The following KLHL1 variants were observed in gnomAD, a reference collection of about 807,000 sequenced individuals.
KLHL1 encodes kelch-like protein 1.
In KLHL1, 47 loss-of-function variants were observed where a neutral mutation model predicts 77.7. The ratio of observed to expected loss-of-function variants is 0.60; its 90% CI spans 0.48 to 0.77. KLHL1 has a LOEUF of 0.77. Ranked by LOEUF, KLHL1 falls within the 30% of genes least tolerant of loss-of-function variation. KLHL1 has a pLI of 0.00. For synonymous variants in KLHL1, 360 were observed against 325.2 expected (o/e 1.11, Z -1.15); for missense variants, 925 against 910.8 (o/e 1.02, Z -0.20).
rs151317522 is a variant in KLHL1, at chr13:70,084,301, G to A, written c.497+22902C>T. Among the ~76,000 whole-genome samples the A allele has an allele frequency of 2.8e-3, 420 of 152,066 alleles. 2 individuals carry two copies. The highest frequency in any genetic ancestry group is 4.7e-3 in the Non-Finnish European group (320 of 67,970). ...TACTTTATAACTATACCCAGCATAG[G>A]GGATGTACATGAACAGATCATTAAA... On this transcript the variant is annotated intron_variant, in intron 1 of 10. Transcript: ENST00000377844.
At chr13:69,798,324 T>C (rs1690008314) in intron 6 of KLHL1, among the ~76,000 whole-genome samples, 1 of 152,192 alleles carries the variant, frequency 6.6e-6, no homozygotes, top group South Asian at 2.1e-4. Context: ...AGAACCTAAC[T>C]AGTAATGAAC....
intron 7 of KLHL1, among the ~76,000 whole-genome samples, chr13:69,784,881 C>CTTTTTT (rs1566250066): frequency 1.8e-5 from 2 of 110,886 alleles, no homozygotes; most frequent in Non-Finnish European, 2.0e-5. Flanking sequence ...ACAGAATATA[C>CTTTTTT]ATTTTTTTTT....
At chr13:69,712,621 T>A (rs1336231777) in intron 9 of KLHL1, among the ~76,000 whole-genome samples, 1 of 152,150 alleles carries the variant, frequency 6.6e-6, no homozygotes, top group Non-Finnish European at 1.5e-5. Flanking sequence ...CAAGGTTGTC[T>A]TGGAACTTAG....
In KLHL1 at chr13:69,836,854, CA is replaced by C. The variant is rs56044802; in HGVS notation, c.1414+2121del. Among the ~76,000 whole-genome samples, 742 of 149,908 alleles carry C rather than the reference CA, an allele frequency of 4.9e-3. 7 individuals carry two copies. The highest frequency in any genetic ancestry group is 0.017 in the African/African-American group (693 of 40,914). On this transcript the variant is annotated intron_variant, in intron 6 of 10. Transcript: ENST00000377844. Reference sequence around the variant, plus strand: ...TGACCAAACAATGCTCAAGAAACTGCAAAAAAAATGCAATAATTAGAAGAGA... The same window carrying C: ...TGACCAAACAATGCTCAAGAAACTGCAAAAAAATGCAATAATTAGAAGAGA...
intron 8 of KLHL1, among the ~76,000 whole-genome samples, chr13:69,738,983 T>C (rs941665887): frequency 2.0e-5 from 3 of 151,914 alleles, no homozygotes; most frequent in African/African-American, 7.3e-5. Flanking sequence ...AAGAAAACAA[T>C]GCAAAGGGCA....
chr13:69,983,601 GA>G (rs1884778085), intron 1 of KLHL1, among the ~76,000 whole-genome samples: 6 of 105,196 alleles, frequency 5.7e-5, no homozygotes, highest in African/African-American at 3.3e-4. Context: ...AGAAGAAGAA[GA>G]AGAGAAAAAA....
intron 6 of KLHL1, among the ~76,000 whole-genome samples, chr13:69,828,284 G>T (rs768230021): frequency 2.7e-5 from 4 of 150,308 alleles, no homozygotes; most frequent in Non-Finnish European, 4.4e-5. Flanking sequence ...TGAAAATCCA[G>T]ATCACAAAGG....
At chr13:69,715,785 A>G (rs554836737) in intron 9 of KLHL1, among the ~76,000 whole-genome samples, 1 of 152,260 alleles carries the variant, frequency 6.6e-6, no homozygotes, top group Non-Finnish European at 1.5e-5. Flanking sequence ...GACTCCAGCA[A>G]TAATATATCG....
chr13:69,955,972 TGATA>T (rs1181609653), intron 3 of KLHL1, among the ~76,000 whole-genome samples: 1 of 139,280 alleles, frequency 7.2e-6, no homozygotes, highest in African/African-American at 2.6e-5. Context: ...TTTATATATT[TGATA>T]TATATTTATA....
chr13:70,052,346 AT>A (rs1036208127), intron 1 of KLHL1, among the ~76,000 whole-genome samples: 1 of 151,926 alleles, frequency 6.6e-6, no homozygotes, highest in African/African-American at 2.4e-5. Context: ...AGAAAAAAAA[AT>A]ATTTAAGTTA....
At chr13:70,097,566 T>C (rs1250289406) in intron 1 of KLHL1, among the ~76,000 whole-genome samples, 1 of 152,056 alleles carries the variant, frequency 6.6e-6, no homozygotes, top group Non-Finnish European at 1.5e-5. Context: ...CAGCCTGCAA[T>C]GTAATCTTGG....
intron 4 of KLHL1, among the ~76,000 whole-genome samples, chr13:69,909,313 G>A (rs1034253576): frequency 2.0e-5 from 3 of 151,778 alleles, no homozygotes; most frequent in Non-Finnish European, 2.9e-5. Context: ...GTATGCCAAA[G>A]GGATCTACAT....
chr13:70,011,718 A>G (rs1425201704), intron 1 of KLHL1, among the ~76,000 whole-genome samples: 1 of 152,208 alleles, frequency 6.6e-6, no homozygotes, highest in East Asian at 1.9e-4. Flanking sequence ...TGGTTAGGAA[A>G]ATAGAGTTCT....
At chr13:70,092,612 A>T (rs1201354402) in intron 1 of KLHL1, among the ~76,000 whole-genome samples, 1 of 152,202 alleles carries the variant, frequency 6.6e-6, no homozygotes, top group African/African-American at 2.4e-5. Context: ...AATGTAAAGC[A>T]TTCAATGGAT....
At chr13:69,731,803 G>T (rs1873552627) in intron 8 of KLHL1, among the ~76,000 whole-genome samples, 1 of 151,898 alleles carries the variant, frequency 6.6e-6, no homozygotes, top group African/African-American at 2.4e-5. Context: ...GCAGGATTTT[G>T]AGAGCAAATA....
At chr13:69,893,645 G>A (rs192730008) in intron 4 of KLHL1, among the ~76,000 whole-genome samples, 299 of 152,254 alleles carry the variant, frequency 2.0e-3, no homozygotes, top group Non-Finnish European at 3.6e-3. Context: ...TATGTATGAT[G>A]CTCTAAATAC....
chr13:70,092,534 G>A (rs1952517120), intron 1 of KLHL1, among the ~76,000 whole-genome samples: 1 of 152,116 alleles, frequency 6.6e-6, no homozygotes, highest in Admixed American at 6.6e-5. Context: ...ATAGCACACA[G>A]CTTTTATATT....
chr13:69,961,008 G>T (rs1884046250), intron 3 of KLHL1, among the ~76,000 whole-genome samples: 1 of 151,774 alleles, frequency 6.6e-6, no homozygotes, highest in Non-Finnish European at 1.5e-5. Flanking sequence ...AGCAAACATG[G>T]ACATAAACAA....
chr13:69,748,071 T>C (rs1593794117), intron 7 of KLHL1, among the ~76,000 whole-genome samples: 1 of 152,178 alleles, frequency 6.6e-6, no homozygotes, highest in Non-Finnish European at 1.5e-5. Flanking sequence ...AGAGCCTATA[T>C]TCTAGAGGAG....
Sources: gnomAD v4.1 joint callset for allele counts (sites outside exome capture counted in the v4.1 genomes callset) on GRCh38, gnomAD v4.1.1 for gene constraint, MANE v1.5 for transcripts, NCBI Gene and HGNC (gene_info 2026-07-23, HGNC 2026-07-21) for gene names.